The following BIRC6 variants were observed in gnomAD, a reference collection of about 807,000 sequenced individuals.
BIRC6 encodes the protein dual E2 ubiquitin-conjugating enzyme/E3 ubiquitin-protein ligase BIRC6.
Under a neutral mutation model 503.3 loss-of-function variants are expected in BIRC6, and 98 were observed. That is an observed-to-expected ratio of 0.19 (90% CI 0.17 to 0.23). The LOEUF (loss-of-function observed/expected upper bound fraction) is 0.23. Among genes scored for constraint, BIRC6 ranks in the 10% least tolerant of loss-of-function variants. BIRC6 has a pLI of 1.00. For synonymous variants in BIRC6, 2,240 were observed against 2,078.7 expected, an observed-to-expected ratio of 1.08 and a Z score of -2.11; for missense variants, 5,360 against 5,806.0, an observed-to-expected ratio of 0.92 and a Z score of 2.50.
chr2:32,408,921 T>G (rs2041547598), intron 9 of BIRC6, among the ~76,000 whole-genome samples: 1 of 152,188 alleles, frequency 6.6e-6, no homozygotes, highest in African/African-American at 2.4e-5. Context: ...AAACTAATTT[T>G]GTTATATTGG....
chr2:32,617,578 G>A, intron 73 of BIRC6, 147 bp from the exon 74 acceptor site: 1 of 794,604 alleles, frequency 1.3e-6, no homozygotes, highest in Non-Finnish European at 1.9e-6. Context: ...TATATCAAGT[G>A]CCTGTAACAG....
chr2:32,504,735 G>A (rs2053610644), intron 49 of BIRC6, among the ~76,000 whole-genome samples: 1 of 151,824 alleles, frequency 6.6e-6, no homozygotes, highest in Admixed American at 6.6e-5. Context: ...ATTGAGCTAC[G>A]TTTATTGCTG....
At chr2:32,500,133 T>TA (rs1179248153) in intron 46 of BIRC6, 24 bp downstream of exon 46, 2 of 1,546,680 alleles carry the variant, frequency 1.3e-6, no homozygotes, top group Admixed American at 1.9e-5. Flanking sequence ...ATATTAATCT[T>TA]ACCATTGTCT....
In BIRC6 at chr2:32,438,709, G is replaced by A. The variant is rs149605505; in HGVS notation, c.3632-799G>A. The stretch of plus-strand genomic sequence containing the variant: ...TGAGTAGTTGGGACTACAGGCGCCC[G>A]CCACCACGCCCCACTAATTTTTTTT... On this transcript the variant is annotated intron_variant, in intron 15 of 73. Coordinates refer to ENST00000421745, the MANE Select transcript of BIRC6 (RefSeq NM_016252.4). 5.9e-5 allele frequency among the ~76,000 whole-genome samples: 9 copies of A among 151,778 alleles called. No individual in the cohort carries two copies. In the East Asian group the frequency reaches 7.8e-4, roughly 13 times the overall value.
intron 9 of BIRC6, among the ~76,000 whole-genome samples, chr2:32,411,449 T>C (rs1220276584): frequency 1.3e-5 from 2 of 150,224 alleles, no homozygotes; most frequent in African/African-American, 4.9e-5. Flanking sequence ...TTTTAAATTT[T>C]CTATTTTTTG....
At chr2:32,550,669 AC>A (rs1443905524) in intron 65 of BIRC6, among the ~76,000 whole-genome samples, 3 of 152,136 alleles carry the variant, frequency 2.0e-5, no homozygotes, top group Non-Finnish European at 4.4e-5. Context: ...GATATGACCT[AC>A]CAAAAATTTT....
chr2:32,385,146 A>G (rs1025782275), intron 3 of BIRC6, among the ~76,000 whole-genome samples: 9 of 152,242 alleles, frequency 5.9e-5, no homozygotes, highest in Admixed American at 5.2e-4. Flanking sequence ...GATTGGGGCT[A>G]TGATTCTGTA....
Position 32,473,258 on chromosome 2 carries a change from A to T in BIRC6, c.6720+19A>T. 1.3e-6 allele frequency: 2 copies of T among 1,503,224 alleles called. No homozygotes were observed. Among genetic ancestry groups the T allele is most frequent in the Non-Finnish European group, 1.8e-6 (2 of 1,121,146 alleles). 93.1% of individuals were successfully genotyped at this position (1,503,224 alleles called of 1,614,324 possible). A position where few individuals can be genotyped will look rare whatever the true frequency, so the allele number is the denominator to read the frequency against. On this transcript the variant is annotated intron_variant, in intron 33 of 73. Coordinates refer to ENST00000421745, the MANE Select transcript of BIRC6 (RefSeq NM_016252.4). ...TAAACAGGTAATTGTCAATATATTT[A>T]AAAATTTTTAATGTTTGAGAATATT...
intron 73 of BIRC6, 95 bp from the exon 74 acceptor site, chr2:32,617,630 A>T (rs1401472504): frequency 7.7e-7 from 1 of 1,298,446 alleles, no homozygotes; most frequent in Non-Finnish European, 1.0e-6. Flanking sequence ...TTGTAGGCTT[A>T]ATGCTTTGGG....
Position 32,468,546 on chromosome 2 carries a change from G to T in BIRC6, c.5890G>T (p.Val1964Phe). Residue 1964 changes from valine (V) to phenylalanine (F), a missense_variant, in exon 29 of 74, where the codon GTT (valine) becomes TTT (phenylalanine). Physicochemically the swap from Val to Phe is conservative, Grantham distance 50. Around this residue, in one of 16 missense-constraint regions of BIRC6, gnomAD observed 2,299 missense variants for 2,267.2 expected, o/e 1.01. Coordinates refer to ENST00000421745, the MANE Select transcript of BIRC6 (RefSeq NM_016252.4). ...CTTTTTACGAAAACCAGATAAGGCA[G>T]TTGAGGAAGACAGTAGGGTTTTTTC... The part of the protein sequence containing the change: ...QYFLRKPDKA[V>F]EEDSRVFSAY... The T allele has an allele frequency of 6.2e-7, 1 of 1,614,022 alleles. No homozygotes were observed. Among genetic ancestry groups the T allele is most frequent in the Non-Finnish European group, 8.5e-7 (1 of 1,179,882 alleles).
intron 61 of BIRC6, among the ~76,000 whole-genome samples, chr2:32,533,286 A>C (rs2710628): frequency 0.37 from 56,331 of 152,110 alleles, 10,865 homozygotes; most frequent in Non-Finnish European, 0.44. Context: ...CTTCTGCTGT[A>C]ATGAACTTGG....
At chr2:32,563,450 G>A (rs1420944271) in intron 65 of BIRC6, 1 of 152,102 alleles carries the variant, frequency 6.6e-6, no homozygotes, top group Non-Finnish European at 1.5e-5. Context: ...TTGAAAAGAG[G>A]CTACATGATT....
At chr2:32,491,338 C>T (rs1351083750) in intron 43 of BIRC6, 87 bp from the exon 44 acceptor site, 1 of 1,289,530 alleles carries the variant, frequency 7.8e-7, no homozygotes, top group Admixed American at 2.8e-5. Context: ...TATGAATTTT[C>T]CTTGGAACTA....
chr2:32,515,120 A>G lies in BIRC6; in HGVS notation c.10699A>G (p.Thr3567Ala). Reference sequence around the variant, plus strand: ...TTTGCTCATGGGCTGGATGGGAATTACCCCTCCTCCAGTGCAATGTCATCA... The same window carrying G: ...TTTGCTCATGGGCTGGATGGGAATTGCCCCTCCTCCAGTGCAATGTCATCA... Reference protein sequence around the residue: ...FSLLMGWMGITPPPVQCHHRL... With the variant: ...FSLLMGWMGIAPPPVQCHHRL... The change falls in exon 55 of 74, where the codon ACC becomes GCC. Residue 3567 changes from threonine (T) to alanine (A), a missense_variant. By Grantham distance (58) the Thr-to-Ala change is moderately conservative. Around this residue, in one of 16 missense-constraint regions of BIRC6, gnomAD observed 878 missense variants for 928.9 expected, o/e 0.95. Transcript: ENST00000421745. The G allele has an allele frequency of 6.2e-7, 1 of 1,613,918 alleles. No homozygotes were observed. Among genetic ancestry groups the G allele is most frequent in the East Asian group, 2.2e-5 (1 of 44,876 alleles).
At chr2:32,520,296 G>A (rs969125773) in intron 57 of BIRC6, among the ~76,000 whole-genome samples, 2 of 152,052 alleles carry the variant, frequency 1.3e-5, no homozygotes, top group African/African-American at 4.8e-5. Flanking sequence ...CTTCACAATC[G>A]CTGTGTCTAA....
At chr2:32,475,034 G>T (rs1033590771) in intron 33 of BIRC6, among the ~76,000 whole-genome samples, 1 of 151,728 alleles carries the variant, frequency 6.6e-6, no homozygotes, top group Admixed American at 6.6e-5. Context: ...ATGTGGTGGC[G>T]TGTGCCTGTA....
At chr2:32,384,950 C>A (rs949716471) in intron 3 of BIRC6, among the ~76,000 whole-genome samples, 3 of 152,030 alleles carry the variant, frequency 2.0e-5, no homozygotes, top group Non-Finnish European at 2.9e-5. Flanking sequence ...TGTTTTTGAC[C>A]TCCTTGCTGC....
intron 69 of BIRC6, among the ~76,000 whole-genome samples, chr2:32,598,410 C>G (rs1400861695): frequency 1.3e-5 from 2 of 152,124 alleles, no homozygotes; most frequent in African/African-American, 4.8e-5. Context: ...AGATACTTCT[C>G]TCATGTTTTT....
Position 32,518,371 on chromosome 2 carries a change from A to T in BIRC6, c.11467A>T (p.Thr3823Ser). The change falls in exon 56 of 74, where the codon ACA (threonine) becomes TCA (serine). Residue 3823 changes from threonine to serine, a missense_variant. By Grantham distance (58) the Thr-to-Ser change is moderately conservative (BLOSUM62 1). Coordinates refer to ENST00000421745, the MANE Select transcript of BIRC6 (RefSeq NM_016252.4). ...LQLMLEDEKV[T>S]MFLQSPCPLY... ...GTTGATGCTGGAAGATGAGAAAGTG[A>T]CAATGTTTCTTCAGTCTCCATGTCC... The T allele has an allele frequency of 6.2e-7, 1 of 1,609,460 alleles. No individual in the cohort carries two copies. The highest frequency in any genetic ancestry group is 1.1e-5 in the South Asian group (1 of 89,638).
Sources: gnomAD v4.1 joint callset for allele counts (sites outside exome capture counted in the v4.1 genomes callset) on GRCh38, gnomAD v4.1.1 for gene constraint, gnomAD v4.1.1 regional missense constraint, MANE v1.5 for transcripts, NCBI Gene and HGNC (gene_info 2026-07-23, HGNC 2026-07-21) for gene names.